MAP2K5: variants seen among roughly 807,000 people sequenced by gnomAD.
The protein encoded by MAP2K5 is dual specificity mitogen-activated protein kinase kinase 5.
Under a neutral mutation model 83.1 loss-of-function variants are expected in MAP2K5, and 49 were observed. The observed-to-expected ratio is 0.59, with a 90% confidence interval of 0.47 to 0.75. The LOEUF is 0.75. Among genes scored for constraint, MAP2K5 ranks in the 30% least tolerant of loss-of-function variants. The probability of loss-of-function intolerance (pLI) is 0.00; values close to 1 mark genes in which losing one functional copy is unlikely to be tolerated. For missense variants in MAP2K5, 457 were observed against 557.5 expected (o/e 0.82, Z 1.82); for synonymous variants, 202 against 191.8 (o/e 1.05, Z -0.44).
rs150731145 is a variant in MAP2K5 at position 67,583,513 on chromosome 15, G to A, written c.323-2377G>A. On this transcript the variant is annotated intron_variant, in intron 4 of 21. Transcript: ENST00000178640. Reference sequence around the variant, plus strand: ...TATGGTGTAATTGTTTCTAGTTTTTGGTAGTCTTTTGCTTTTTGCTACCTG... The same window carrying A: ...TATGGTGTAATTGTTTCTAGTTTTTAGTAGTCTTTTGCTTTTTGCTACCTG... 2.6e-5 allele frequency among the ~76,000 whole-genome samples: 4 copies of A among 151,930 alleles called. No individual in the cohort carries two copies. In the South Asian group the frequency reaches 8.3e-4, roughly 32 times the overall value.
rs1170928098 is a variant in MAP2K5 at position 67,793,604 on chromosome 15, G to A, written c.1243-13042G>A. Reference sequence around the variant, plus strand: ...AAAGCTGGCTTAAGGAAAAGCTTGAGGCACTACCTAAAATTAAAATGTTCA... The same window carrying A: ...AAAGCTGGCTTAAGGAAAAGCTTGAAGCACTACCTAAAATTAAAATGTTCA... On this transcript the variant is annotated intron_variant, in intron 21 of 21. Coordinates refer to ENST00000178640, the MANE Select transcript of MAP2K5 (RefSeq NM_145160.3). The surrounding 1 kb of genome is among the most constrained non-coding windows in gnomAD (Gnocchi z 4.6). 2.0e-5 allele frequency among the ~76,000 whole-genome samples: 3 copies of A among 152,132 alleles called. No homozygotes were observed. The highest frequency in any genetic ancestry group is 7.2e-5 in the African/African-American group (3 of 41,434).
chr15:67,604,906 GGTT>G (rs1386193293), intron 8 of MAP2K5, among the ~76,000 whole-genome samples: 1 of 151,852 alleles, frequency 6.6e-6, no homozygotes, highest in Non-Finnish European at 1.5e-5. Flanking sequence ...ATAGTATCTA[GGTT>G]GTTGTGAGGT....
chr15:67,685,589 G>T (rs925791052), intron 13 of MAP2K5, among the ~76,000 whole-genome samples: 1 of 152,050 alleles, frequency 6.6e-6, no homozygotes, highest in Admixed American at 6.6e-5. Flanking sequence ...GAAAAATAAA[G>T]ACATTATATT....
chr15:67,706,475 G>A (rs184338730), intron 16 of MAP2K5, among the ~76,000 whole-genome samples: 6 of 152,298 alleles, frequency 3.9e-5, no homozygotes, highest in Admixed American at 3.9e-4. Context: ...TAACCAGATG[G>A]TCAGGAGTGA....
At chr15:67,603,947 A>T (rs1351464525) in intron 8 of MAP2K5, among the ~76,000 whole-genome samples, 2 of 152,264 alleles carry the variant, frequency 1.3e-5, no homozygotes, top group Non-Finnish European at 2.9e-5. Flanking sequence ...AAGTGTAATA[A>T]AGCTAATAAG....
intron 3 of MAP2K5, 109 bp from the exon 4 acceptor site, chr15:67,580,645 T>C (rs7172298): frequency 0.43 from 314,897 of 727,766 alleles, 74,477 homozygotes; most frequent in Non-Finnish European, 0.51. Flanking sequence ...TCAAGGCTGA[T>C]ATGTATATAC....
intron 19 of MAP2K5, among the ~76,000 whole-genome samples, chr15:67,762,639 C>A (rs1011918774): frequency 1.3e-5 from 2 of 150,528 alleles, no homozygotes; most frequent in African/African-American, 4.9e-5. Context: ...CATTTCTATT[C>A]TCTTTTATCC....
chr15:67,634,858 GGAT>G, intron 9 of MAP2K5, among the ~76,000 whole-genome samples: 1 of 151,970 alleles, frequency 6.6e-6, no homozygotes, highest in East Asian at 1.9e-4. Flanking sequence ...TAATCCAGTT[GGAT>G]GATCTCTGCT....
At chr15:67,642,503 C>T in intron 9 of MAP2K5, 1 of 1,454,366 alleles carries the variant, frequency 6.9e-7, no homozygotes, top group Non-Finnish European at 9.7e-7. Context: ...TTGAGGTGAG[C>T]TTCATGGAGA....
chr15:67,647,788 G>T (rs1475489232), intron 11 of MAP2K5, among the ~76,000 whole-genome samples: 1 of 152,086 alleles, frequency 6.6e-6, no homozygotes, highest in African/African-American at 2.4e-5. Flanking sequence ...AGAATTGCTT[G>T]AACCTGGGAG....
intron 9 of MAP2K5, among the ~76,000 whole-genome samples, chr15:67,645,562 T>C (rs1042064182): frequency 6.6e-6 from 1 of 152,080 alleles, no homozygotes; most frequent in Non-Finnish European, 1.5e-5. Flanking sequence ...AAGATAGTTC[T>C]TTTTTTTAAG....
At chr15:67,635,525 C>T (rs1037223130) in intron 9 of MAP2K5, among the ~76,000 whole-genome samples, 2 of 152,002 alleles carry the variant, frequency 1.3e-5, no homozygotes, top group African/African-American at 4.8e-5. Flanking sequence ...AAATAGTATT[C>T]TATTTTTATT....
rs930638042 is a variant in MAP2K5 at position 67,644,250 on chromosome 15, C to G, written c.586-1981C>G. ...CTGCGCTAAAAATAGAAAAATCAAC[C>G]GGGTGTGGTGGCAGGTGCCTGTAAT... On this transcript the variant is annotated intron_variant, in intron 9 of 21. Transcript: ENST00000178640. The surrounding 1 kb of genome is among the most constrained non-coding windows in gnomAD (Gnocchi z 4.6). Among the ~76,000 whole-genome samples the G allele has an allele frequency of 6.6e-6, 1 of 151,952 alleles. No individual in the cohort carries two copies. The highest frequency in any genetic ancestry group is 2.4e-5 in the African/African-American group (1 of 41,362).
At chr15:67,795,966 T>A (rs1195939445) in intron 21 of MAP2K5, among the ~76,000 whole-genome samples, 1 of 152,214 alleles carries the variant, frequency 6.6e-6, no homozygotes, top group East Asian at 1.9e-4. Context: ...ATGAGGTGAT[T>A]CTATCTCTAA....
chr15:67,773,784 A>G (rs1226812934), intron 21 of MAP2K5, among the ~76,000 whole-genome samples: 1 of 152,180 alleles, frequency 6.6e-6, no homozygotes, highest in Non-Finnish European at 1.5e-5. Flanking sequence ...TGCAGGTTTC[A>G]TGTCTAGAAT....
chr15:67,755,311 A>G lies in MAP2K5; in HGVS notation c.1134+6710A>G, dbSNP rs575683185. ...CTTTTTAGTAACATTGTTATAAAGT[A>G]GGCTCTTCCCTTATTTTTCTCCTCC... On this transcript the variant is annotated intron_variant, in intron 19 of 21. Coordinates refer to ENST00000178640, the MANE Select transcript of MAP2K5 (RefSeq NM_145160.3). This position sits in a 1 kb window ranked among gnomAD's most constrained non-coding sequence, Gnocchi z 4.7. 1.3e-5 allele frequency among the ~76,000 whole-genome samples: 2 copies of G among 152,222 alleles called. No individual in the cohort carries two copies. Among genetic ancestry groups the G allele is most frequent in the Admixed American group, 1.3e-4 (2 of 15,286 alleles).
chr15:67,655,165 A>G (rs1027435035), intron 11 of MAP2K5, among the ~76,000 whole-genome samples: 3 of 152,204 alleles, frequency 2.0e-5, no homozygotes, highest in Admixed American at 2.0e-4. Flanking sequence ...ACATTCCTAT[A>G]CATTGTGTGT....
intron 8 of MAP2K5, among the ~76,000 whole-genome samples, chr15:67,601,764 C>T (rs760779720): frequency 6.6e-6 from 1 of 152,220 alleles, no homozygotes; most frequent in Non-Finnish European, 1.5e-5. Flanking sequence ...AGAACATCCC[C>T]TACTCATTGA....
intron 9 of MAP2K5, 54 bp downstream of exon 9, chr15:67,630,981 TC>T: frequency 7.3e-7 from 1 of 1,364,490 alleles, no homozygotes; most frequent in Non-Finnish European, 1.0e-6. Flanking sequence ...TTTCCTTTCC[TC>T]TGTTAGCTTG....
Sources: allele counts gnomAD v4.1 joint callset (sites outside exome capture counted in the v4.1 genomes callset), GRCh38; gene constraint gnomAD v4.1.1; non-coding constraint Gnocchi (gnomAD v3.1); transcripts MANE v1.5; gene names NCBI Gene and HGNC (gene_info 2026-07-23, HGNC 2026-07-21).